The following STARD4 variants were observed in gnomAD, a reference collection of about 807,000 sequenced individuals.
STARD4 encodes the protein StAR related lipid transfer domain containing 4.
In STARD4, 33 loss-of-function variants were observed where a neutral mutation model predicts 24.9. That is an observed-to-expected ratio of 1.32 (90% confidence interval 1.00 to 1.77). STARD4 has a LOEUF of 1.77. Ranked by LOEUF, STARD4 falls within the 40% of genes most tolerant of loss-of-function variation. STARD4 has a pLI of 0.00. For synonymous variants in STARD4, 88 were observed against 77.4 expected, an observed-to-expected ratio of 1.14 and a Z score of -0.72; for missense variants, 238 against 249.3, an observed-to-expected ratio of 0.95 and a Z score of 0.31.
intron 3 of STARD4, among the ~76,000 whole-genome samples, chr5:111,503,797 A>G (rs1756643983): frequency 6.6e-6 from 1 of 152,184 alleles, no homozygotes; most frequent in South Asian, 2.1e-4. Context: ...CATGCATACC[A>G]CACAAGAAAA....
Position 111,498,585 on chromosome 5 carries a change from T to C in STARD4, c.*1301A>G, listed in dbSNP as rs1258304637. 1 of 152,200 alleles carries C rather than the reference T, an allele frequency of 6.6e-6. No individual in the cohort carries two copies. The highest frequency in any genetic ancestry group is 1.5e-5 in the Non-Finnish European group (1 of 67,986). 9.4% of individuals were successfully genotyped at this position (152,200 alleles called of 1,614,324 possible). A position where few individuals can be genotyped will look rare whatever the true frequency, so the allele number is the denominator to read the frequency against. ...TAAACTACTGAGTTTTCTTTCACTA[T>C]TGCAGAACAAAAAAAAAGAAGAAAC... On this transcript the variant is annotated 3_prime_UTR_variant, in exon 6 of 6. Transcript: ENST00000296632.
chr5:111,508,378 T>C (rs1380719741), intron 1 of STARD4, among the ~76,000 whole-genome samples: 1 of 152,134 alleles, frequency 6.6e-6, no homozygotes, highest in African/African-American at 2.4e-5. Flanking sequence ...TGTTATTGTC[T>C]CAAAACAAGA....
chr5:111,500,701 GAGA>G (rs1475350412), intron 5 of STARD4: 7 of 1,365,640 alleles, frequency 5.1e-6, no homozygotes, highest in African/African-American at 3.0e-5. Flanking sequence ...ACTGTTTTCT[GAGA>G]GTGGCTTAGA....
At position 111,498,585 on chromosome 5, in the gene STARD4, T is replaced by TGC. The variant is rs1756225082; in HGVS notation, c.*1300_*1301insGC. The TGC allele has an allele frequency of 6.6e-5, 10 of 152,200 alleles. No individual in the cohort carries two copies. Among genetic ancestry groups the TGC allele is most frequent in the Admixed American group, 3.3e-4 (5 of 15,270 alleles). 9.4% of individuals were successfully genotyped at this position (152,200 alleles called of 1,614,324 possible). Reference sequence around the variant, plus strand: ...TAAACTACTGAGTTTTCTTTCACTATTGCAGAACAAAAAAAAAGAAGAAAC... The same window carrying TGC: ...TAAACTACTGAGTTTTCTTTCACTATGCTGCAGAACAAAAAAAAAGAAGAAAC... On this transcript the variant is annotated 3_prime_UTR_variant, in exon 6 of 6. Coordinates refer to ENST00000296632, the MANE Select transcript of STARD4 (RefSeq NM_139164.3).
In STARD4 at chr5:111,498,838, TC is replaced by T. The variant is rs1428233949; in HGVS notation, c.*1047del. The T allele has an allele frequency of 6.6e-6, 1 of 152,174 alleles. No homozygotes were observed. Among genetic ancestry groups the T allele is most frequent in the African/African-American group, 2.4e-5 (1 of 41,448 alleles). The allele number at this position is 152,174 out of a possible 1,614,324, so 9.4% of individuals were successfully genotyped here. Reference sequence around the variant, plus strand: ...CAAAAGCAAAAAACAGCTCCACTGTTCCACTTTGTCAAAATGGGTATGAAGA... The same window carrying T: ...CAAAAGCAAAAAACAGCTCCACTGTTCACTTTGTCAAAATGGGTATGAAGA... On this transcript the variant is annotated 3_prime_UTR_variant, in exon 6 of 6. Transcript: ENST00000296632.
chr5:111,504,878 G>C (rs779306350), intron 3 of STARD4: 4 of 391,948 alleles, frequency 1.0e-5, no homozygotes, highest in Non-Finnish European at 1.5e-5. Context: ...ACAATATTTG[G>C]CTCTCAATAA....
intron 1 of STARD4, among the ~76,000 whole-genome samples, chr5:111,512,052 C>T (rs1337412501): frequency 6.6e-6 from 1 of 152,196 alleles, no homozygotes; most frequent in Non-Finnish European, 1.5e-5. Context: ...GCGGGATTAC[C>T]ACCGCCCCTC....
chr5:111,505,729 T>C (rs1036282308), intron 3 of STARD4, among the ~76,000 whole-genome samples: 1 of 152,192 alleles, frequency 6.6e-6, no homozygotes, highest in African/African-American at 2.4e-5. Flanking sequence ...TAAAATGTTC[T>C]ACAGCACTGA....
Position 111,502,102 on chromosome 5 carries a change from G to C in STARD4, c.156-14C>G. On this transcript the variant is annotated splice_polypyrimidine_tract_variant and intron_variant, in intron 3 of 5. Coordinates refer to ENST00000296632, the MANE Select transcript of STARD4 (RefSeq NM_139164.3). ...TGGGCTTTGTAGCTGGAGAAAAAAAGTTTAAGTCAACCGCTGTTACAATAA... is the reference window on the plus strand; with the variant it reads ...TGGGCTTTGTAGCTGGAGAAAAAAACTTTAAGTCAACCGCTGTTACAATAA... The C allele has an allele frequency of 6.2e-7, 1 of 1,607,472 alleles. No individual in the cohort carries two copies. Among genetic ancestry groups the C allele is most frequent in the Non-Finnish European group, 8.5e-7 (1 of 1,177,814 alleles).
Position 111,496,244 on chromosome 5 carries a change from T to C in STARD4, c.*3642A>G, listed in dbSNP as rs1311161207. 6.6e-6 allele frequency: 1 copy of C among 152,102 alleles called. No individual in the cohort carries two copies. The highest frequency in any genetic ancestry group is 1.5e-5 in the Non-Finnish European group (1 of 67,998). 9.4% of individuals were successfully genotyped at this position (152,102 alleles called of 1,614,324 possible). On this transcript the variant is annotated 3_prime_UTR_variant, in exon 6 of 6. Coordinates refer to ENST00000296632, the MANE Select transcript of STARD4 (RefSeq NM_139164.3). ...ATGAATTTTAATATTTAACTATACA[T>C]GTAAAATCCGTAAAAACAATACAAT...
intron 1 of STARD4, among the ~76,000 whole-genome samples, chr5:111,509,701 C>G (rs2112575097): frequency 6.6e-6 from 1 of 152,166 alleles, no homozygotes; most frequent in African/African-American, 2.4e-5. Flanking sequence ...ACGTCTAGCA[C>G]TCAGTAGGAA....
Position 111,503,865 on chromosome 5 carries a change from A to G in STARD4, c.156-1777T>C. ...GGGAGAAGGTAGTATAACACATATA[A>G]ACAGAGAATTATTATACAGGATATA... is the stretch of plus-strand genomic sequence containing the variant. On this transcript the variant is annotated intron_variant, in intron 3 of 5. Transcript: ENST00000296632. Among the ~76,000 whole-genome samples the G allele has an allele frequency of 1.3e-5, 2 of 152,140 alleles. 1 individual carries two copies. Among genetic ancestry groups the G allele is most frequent in the Non-Finnish European group, 2.9e-5 (2 of 68,016 alleles).
chr5:111,499,977 T>G lies in STARD4; in HGVS notation c.527A>C (p.Asp176Ala), dbSNP rs139866423. ...QSLLTGYIQTDLRGMIPQSAV... is the reference protein window; with the variant it reads ...QSLLTGYIQTALRGMIPQSAV... ...AGACTGAGGAATCATCCCACGCAGA[T>G]CTGTCTGAATATATCCTGTCAAAAG... The change falls in exon 6 of 6, where the codon GAT (aspartate) becomes GCT (alanine). Residue 176 changes from aspartate (D) to alanine (A), a missense_variant. Asp to Ala is a moderately radical substitution (Grantham distance 126, BLOSUM62 -2). Coordinates refer to ENST00000296632, the MANE Select transcript of STARD4 (RefSeq NM_139164.3). 2 of 1,614,036 alleles carry G rather than the reference T, an allele frequency of 1.2e-6. No homozygotes were observed. Among genetic ancestry groups the G allele is most frequent in the Non-Finnish European group, 1.7e-6 (2 of 1,180,022 alleles).
chr5:111,499,917 T>C lies in STARD4; in HGVS notation c.587A>G (p.Asn196Ser), dbSNP rs748966396. ...VDTAMASTLT[N>S]FYGDLRKAL Reference sequence around the variant, plus strand: ...AGCTTTTCGTAAATCACCATAGAAGTTGGTTAAAGTGCTTGCCATGGCTGT... The same window carrying C: ...AGCTTTTCGTAAATCACCATAGAAGCTGGTTAAAGTGCTTGCCATGGCTGT... Residue 196 changes from asparagine (N) to serine (S), a missense_variant, in exon 6 of 6, where the codon AAC (asparagine) becomes AGC (serine). Coordinates refer to ENST00000296632, the MANE Select transcript of STARD4 (RefSeq NM_139164.3). 7 of 1,613,942 alleles carry C rather than the reference T, an allele frequency of 4.3e-6. No homozygotes were observed. Among genetic ancestry groups the C allele is most frequent in the South Asian group, 1.1e-5 (1 of 91,060 alleles).
chr5:111,504,455 A>AG (rs1188477311), intron 3 of STARD4, among the ~76,000 whole-genome samples: 19 of 152,218 alleles, frequency 1.2e-4, no homozygotes, highest in African/African-American at 4.6e-4. Flanking sequence ...AAAACACACC[A>AG]AATAATGCTT....
rs1432242130 is a variant in STARD4, at chr5:111,496,645, T to A, written c.*3241A>T. 2 of 152,140 alleles carry A rather than the reference T, an allele frequency of 1.3e-5. No homozygotes were observed. Among genetic ancestry groups the A allele is most frequent in the Non-Finnish European group, 2.9e-5 (2 of 67,980 alleles). 9.4% of individuals were successfully genotyped at this position (152,140 alleles called of 1,614,324 possible). A position where few individuals can be genotyped will look rare whatever the true frequency, so the allele number is the denominator to read the frequency against. On this transcript the variant is annotated 3_prime_UTR_variant, in exon 6 of 6. Transcript: ENST00000296632. ...TTAAATTATACAATGTTTTCCCATCTTCTCCAGATACAACCTCAATTACAT... is the reference window on the plus strand; with the variant it reads ...TTAAATTATACAATGTTTTCCCATCATCTCCAGATACAACCTCAATTACAT...
At chr5:111,500,700 T>A (rs543861756) in intron 5 of STARD4, 1 of 1,365,732 alleles carries the variant, frequency 7.3e-7, no homozygotes, top group Non-Finnish European at 9.4e-7. Context: ...AACTGTTTTC[T>A]GAGAGTGGCT....
chr5:111,504,880 T>C (rs920594870), intron 3 of STARD4: 2 of 397,444 alleles, frequency 5.0e-6, no homozygotes, highest in Middle Eastern at 3.6e-4. Context: ...AATATTTGGC[T>C]CTCAATAAAC....
intron 3 of STARD4, among the ~76,000 whole-genome samples, chr5:111,504,045 C>T (rs768108066): frequency 9.2e-5 from 14 of 152,156 alleles, no homozygotes; most frequent in Non-Finnish European, 1.8e-4. Context: ...CTGATTAATA[C>T]CTCTCAGACT....
Sources: gnomAD v4.1 joint callset for allele counts (sites outside exome capture counted in the v4.1 genomes callset) on GRCh38, gnomAD v4.1.1 for gene constraint, MANE v1.5 for transcripts, NCBI Gene and HGNC (gene_info 2026-07-23, HGNC 2026-07-21) for gene names.